The following ASPRV1 variants were observed in gnomAD, a reference collection of about 807,000 sequenced individuals.
ASPRV1 encodes aspartic peptidase retroviral like 1, also known as retroviral-like aspartic protease 1.
ASPRV1 carries 7 observed loss-of-function variants against 11.0 expected under a neutral mutation model. The ratio of observed to expected loss-of-function variants is 0.64; its 90% CI spans 0.36 to 1.20. ASPRV1 has a LOEUF of 1.20. Ranked by LOEUF, ASPRV1 falls within the 50% of genes most tolerant of loss-of-function variation. The pLI, the probability that ASPRV1 is intolerant of heterozygous loss-of-function variation, is 0.02. For synonymous variants in ASPRV1, 136 were observed against 138.4 expected, an observed-to-expected ratio of 0.98 and a Z score of 0.12; for missense variants, 299 against 320.0, an observed-to-expected ratio of 0.93 and a Z score of 0.50.
chr2:70,038,961 C>A, the ASPRV1 span, among the ~76,000 whole-genome samples: 11 of 152,128 alleles, frequency 7.2e-5, no homozygotes, highest in Admixed American at 3.9e-4. Flanking sequence ...TGCCTGTAAT[C>A]CCAGCTACTT....
the ASPRV1 span, among the ~76,000 whole-genome samples, chr2:70,044,229 C>T: frequency 1.3e-5 from 2 of 152,120 alleles, no homozygotes; most frequent in African/African-American, 4.8e-5. Context: ...AAAGAAATTT[C>T]AATTGTGGGA....
chr2:69,949,080 G>A, the ASPRV1 span, among the ~76,000 whole-genome samples: 1 of 152,152 alleles, frequency 6.6e-6, no homozygotes, highest in African/African-American at 2.4e-5. Flanking sequence ...TCCGCTGTCC[G>A]CGCAGTGATG....
At chr2:70,048,310 G>C in the ASPRV1 span, among the ~76,000 whole-genome samples, 1 of 151,334 alleles carries the variant, frequency 6.6e-6, no homozygotes, top group Non-Finnish European at 1.5e-5. Flanking sequence ...AGCTACTTGG[G>C]AGGCTGAGGC....
the ASPRV1 span, chr2:69,942,736 G>T: frequency 6.6e-6 from 1 of 152,062 alleles, no homozygotes; most frequent in Non-Finnish European, 1.5e-5. Context: ...CAGATGAAAG[G>T]GTATGCTATT....
chr2:70,074,752 C>T, the ASPRV1 span, among the ~76,000 whole-genome samples: 2 of 151,732 alleles, frequency 1.3e-5, no homozygotes, highest in African/African-American at 4.8e-5. Context: ...TACTCTTATA[C>T]CACACAGTCC....
At chr2:69,994,462 T>C in the ASPRV1 span, among the ~76,000 whole-genome samples, 1 of 152,192 alleles carries the variant, frequency 6.6e-6, no homozygotes, top group Admixed American at 6.5e-5. Flanking sequence ...GGGAGACCAC[T>C]TGGATGAGCT....
At chr2:70,086,268 G>C in the ASPRV1 span, 5 of 152,306 alleles carry the variant, frequency 3.3e-5, no homozygotes, top group Middle Eastern at 0.014. Flanking sequence ...TCGCCATTTT[G>C]TGTTCAGGAA....
chr2:70,009,964 C>T, the ASPRV1 span, among the ~76,000 whole-genome samples: 963 of 152,234 alleles, frequency 6.3e-3, 9 homozygotes, highest in African/African-American at 0.022. Flanking sequence ...TAGGAGTGTC[C>T]GTGACTCCCA....
the ASPRV1 span, chr2:70,032,016 G>T: frequency 6.6e-6 from 1 of 152,130 alleles, no homozygotes; most frequent in Non-Finnish European, 1.5e-5. Context: ...CCATGCCCAC[G>T]TCAATTGCTA....
chr2:69,937,319 A>G, the ASPRV1 span: 1 of 1,614,180 alleles, frequency 6.2e-7, no homozygotes, highest in Non-Finnish European at 8.5e-7. Flanking sequence ...GCAGCTGGAG[A>G]AGCTGGGCAT....
the ASPRV1 span, among the ~76,000 whole-genome samples, chr2:69,986,315 G>A: frequency 2.0e-5 from 3 of 152,218 alleles, no homozygotes; most frequent in East Asian, 5.8e-4. Flanking sequence ...TAGCTAACAG[G>A]GGGAATGGTC....
chr2:69,961,031 C>T lies in ASPRV1; in HGVS notation c.406G>A (p.Val136Ile). 1 of 1,614,096 alleles carries T rather than the reference C, an allele frequency of 6.2e-7. No individual in the cohort carries two copies. Among genetic ancestry groups the T allele is most frequent in the Non-Finnish European group, 8.5e-7 (1 of 1,179,998 alleles). Residue 136 changes from valine to isoleucine, a missense_variant, in exon 1 of 1, where the codon GTC becomes ATC. Coordinates refer to ENST00000320256, the MANE Select transcript of ASPRV1 (RefSeq NM_152792.4). ...ACCTCCTCCCACAAGTTTGGGTGGA[C>T]CACAGAGACCTGGGCCCCAGAGTCC... ...LVDSGAQVSV[V>I]HPNLWEEVTD...
At chr2:69,992,431 G>A in the ASPRV1 span, among the ~76,000 whole-genome samples, 1 of 152,208 alleles carries the variant, frequency 6.6e-6, no homozygotes, top group South Asian at 2.1e-4. Context: ...ATCAGGCAGT[G>A]TGAAAACCCA....
chr2:70,073,448 A>T, the ASPRV1 span, among the ~76,000 whole-genome samples: 1 of 150,292 alleles, frequency 6.7e-6, no homozygotes, highest in Non-Finnish European at 1.5e-5. Context: ...ACTTAACTCT[A>T]CTTGCCTCTG....
At chr2:70,056,761 C>T in the ASPRV1 span, among the ~76,000 whole-genome samples, 2 of 151,062 alleles carry the variant, frequency 1.3e-5, no homozygotes, top group African/African-American at 4.9e-5. Context: ...CAGAGTCTTG[C>T]TCTGTCACAC....
the ASPRV1 span, among the ~76,000 whole-genome samples, chr2:70,067,927 A>T: frequency 1.3e-5 from 2 of 152,228 alleles, no homozygotes; most frequent in African/African-American, 4.8e-5. Flanking sequence ...AGAAGCTTAC[A>T]AAGGTCATCT....
chr2:69,978,312 G>C, the ASPRV1 span, among the ~76,000 whole-genome samples: 2 of 152,186 alleles, frequency 1.3e-5, no homozygotes, highest in African/African-American at 4.8e-5. Flanking sequence ...GGCTGGTTCT[G>C]AGCGTGGTCA....
downstream of ASPRV1, among the ~76,000 whole-genome samples, chr2:69,959,262 C>A (rs998517098): frequency 6.6e-6 from 1 of 152,150 alleles, no homozygotes; most frequent in Non-Finnish European, 1.5e-5. Context: ...TCTGACCTTG[C>A]GCCAATCTTC....
At chr2:69,951,253 G>A in the ASPRV1 span, among the ~76,000 whole-genome samples, 43 of 151,720 alleles carry the variant, frequency 2.8e-4, no homozygotes, top group African/African-American at 9.4e-4. Flanking sequence ...GTGAAACCCC[G>A]TCTCTACTAA....
Sources: allele counts gnomAD v4.1 joint callset (sites outside exome capture counted in the v4.1 genomes callset), GRCh38; gene constraint gnomAD v4.1.1; transcripts MANE v1.5; gene names NCBI Gene and HGNC (gene_info 2026-07-23, HGNC 2026-07-21).